The following RYR2 variants were observed in gnomAD, a reference collection of about 807,000 sequenced individuals.
RYR2 encodes ryanodine receptor 2.
Under a neutral mutation model 601.1 loss-of-function variants are expected in RYR2, and 227 were observed. The observed-to-expected ratio is 0.38, with a 90% confidence interval of 0.34 to 0.42. RYR2 has a LOEUF of 0.42. Among genes scored for constraint, RYR2 ranks in the 10% least tolerant of loss-of-function variants. The pLI is 1.00. For missense variants in RYR2, 4,646 were observed against 6,156.5 expected (o/e 0.75, Z 8.21); for synonymous variants, 2,223 against 2,175.1 (o/e 1.02, Z -0.61).
intron 83 of RYR2, among the ~76,000 whole-genome samples, chr1:237,760,590 A>G (rs901581638): frequency 2.0e-5 from 3 of 152,108 alleles, no homozygotes; most frequent in African/African-American, 7.2e-5. Context: ...AAAATCATTC[A>G]GACAGCATTT....
chr1:237,280,966 G>A (rs746048043), intron 2 of RYR2, among the ~76,000 whole-genome samples: 3 of 151,930 alleles, frequency 2.0e-5, no homozygotes, highest in South Asian at 2.1e-4. Flanking sequence ...TGTATTTTTA[G>A]TAGAAATGGG....
intron 24 of RYR2, among the ~76,000 whole-genome samples, chr1:237,517,604 C>T (rs1425349236): frequency 6.6e-6 from 1 of 151,430 alleles, no homozygotes; most frequent in African/African-American, 2.4e-5. Flanking sequence ...TTGTTCTAGA[C>T]TGTAAGCTCC....
intron 62 of RYR2, 89 bp from the exon 63 acceptor site, chr1:237,687,366 C>CTTTTTTTTTTTTTTTTTTTTTTTTTCTT (rs10679267): frequency 2.7e-5 from 7 of 259,150 alleles, no homozygotes; most frequent in Non-Finnish European, 4.2e-5. Flanking sequence ...TTTTCTTCTT[C>CTTTTTTTTTTTTTTTTTTTTTTTTTCTT]TTTTTTTTTT....
At chr1:237,574,997 T>A (rs1673082533) in intron 29 of RYR2, among the ~76,000 whole-genome samples, 1 of 152,164 alleles carries the variant, frequency 6.6e-6, no homozygotes, top group Non-Finnish European at 1.5e-5. Context: ...AAAACCGGTA[T>A]GTTGATCAAG....
intron 2 of RYR2, among the ~76,000 whole-genome samples, chr1:237,308,655 A>G (rs913084908): frequency 1.3e-5 from 2 of 152,202 alleles, no homozygotes; most frequent in African/African-American, 2.4e-5. Flanking sequence ...TGCTGGCCTC[A>G]TGAATAAAGC....
intron 2 of RYR2, among the ~76,000 whole-genome samples, chr1:237,281,838 G>T (rs1302836591): frequency 6.6e-6 from 1 of 152,208 alleles, no homozygotes; most frequent in Non-Finnish European, 1.5e-5. Context: ...TAATAACAGA[G>T]AACAGAACTA....
intron 1 of RYR2, among the ~76,000 whole-genome samples, chr1:237,220,411 C>CCTTGCTT (rs1483960920): frequency 6.6e-6 from 1 of 152,138 alleles, no homozygotes; most frequent in East Asian, 1.9e-4. Flanking sequence ...CTGTTGGCTG[C>CCTTGCTT]CTTGCTTCTG....
chr1:237,702,112 A>C, intron 66 of RYR2, 53 bp downstream of exon 66: 1 of 988,714 alleles, frequency 1.0e-6, no homozygotes, highest in South Asian at 1.4e-5. Flanking sequence ...AAGTTTTATA[A>C]CTATTTATTT....
intron 102 of RYR2, chr1:237,830,189 T>G: frequency 4.5e-6 from 1 of 220,164 alleles, no homozygotes; most frequent in Non-Finnish European, 9.2e-6. Context: ...TTAGATAACT[T>G]TAGTCAATGT....
chr1:237,368,806 T>TG (rs1700406849), intron 5 of RYR2, among the ~76,000 whole-genome samples: 1 of 145,078 alleles, frequency 6.9e-6, no homozygotes, highest in African/African-American at 2.6e-5. Flanking sequence ...AACGTTTATT[T>TG]ATTTATTTAT....
intron 101 of RYR2, 87 bp from the exon 102 acceptor site, chr1:237,828,294 A>G (rs184474790): frequency 1.8e-5 from 16 of 886,898 alleles, no homozygotes; most frequent in Non-Finnish European, 2.9e-5. Flanking sequence ...GTAGTTGTAC[A>G]TCTCCCCTTT....
intron 91 of RYR2, among the ~76,000 whole-genome samples, 189 bp from the exon 92 acceptor site, chr1:237,787,799 G>A (rs556075700): frequency 6.6e-6 from 1 of 151,986 alleles, no homozygotes; most frequent in African/African-American, 2.4e-5. Context: ...ATCTCCAGGG[G>A]ACTGTGATCA....
intron 12 of RYR2, among the ~76,000 whole-genome samples, chr1:237,428,392 A>G (rs1463494356): frequency 6.6e-6 from 1 of 152,234 alleles, no homozygotes; most frequent in Non-Finnish European, 1.5e-5. Context: ...AATGTGGTAC[A>G]TACACCATGG....
At chr1:237,327,325 G>A (rs544275750) in intron 2 of RYR2, among the ~76,000 whole-genome samples, 25 of 152,062 alleles carry the variant, frequency 1.6e-4, no homozygotes, top group African/African-American at 9.6e-5. Flanking sequence ...TAACTCCCAC[G>A]ATCTGAAAAA....
At chr1:237,323,974 G>A (rs988238349) in intron 2 of RYR2, among the ~76,000 whole-genome samples, 13 of 152,242 alleles carry the variant, frequency 8.5e-5, no homozygotes, top group East Asian at 1.9e-4. Context: ...AACCTCTGGC[G>A]CAAAGTGGGA....
chr1:237,376,088 T>C (rs10925389), intron 7 of RYR2, among the ~76,000 whole-genome samples: 50,375 of 152,044 alleles, frequency 0.33, 9,150 homozygotes, highest in African/African-American at 0.47. Flanking sequence ...GTATCCCAGC[T>C]ACTAAAGCAA....
chr1:237,529,789 A>ACACACACG (rs1667946341), intron 24 of RYR2, among the ~76,000 whole-genome samples: 1 of 150,644 alleles, frequency 6.6e-6, no homozygotes, highest in African/African-American at 2.5e-5. Context: ...ACACACACAC[A>ACACACACG]CACACACACC....
chr1:237,385,713 G>A (rs1286067731), intron 8 of RYR2, among the ~76,000 whole-genome samples: 1 of 152,124 alleles, frequency 6.6e-6, no homozygotes, highest in Non-Finnish European at 1.5e-5. Flanking sequence ...TTTACACTAG[G>A]TTATTGAAAT....
At chr1:237,279,939 G>A (rs1690685103) in intron 2 of RYR2, among the ~76,000 whole-genome samples, 1 of 152,206 alleles carries the variant, frequency 6.6e-6, no homozygotes, top group South Asian at 2.1e-4. Context: ...CAGTATGTAT[G>A]AAACAGTATT....
Sources: allele counts gnomAD v4.1 joint callset (sites outside exome capture counted in the v4.1 genomes callset), GRCh38; gene constraint gnomAD v4.1.1; transcripts MANE v1.5; gene names NCBI Gene and HGNC (gene_info 2026-07-23, HGNC 2026-07-21).